Variants in CACNA1S observed in about 807,000 individuals in gnomAD.
CACNA1S encodes the protein voltage-dependent L-type calcium channel subunit alpha-1S.
CACNA1S carries 126 observed loss-of-function variants against 207.4 expected under a neutral mutation model. The observed-to-expected ratio is 0.61, with a 90% confidence interval of 0.53 to 0.70. The LOEUF is 0.70. CACNA1S is among the 30% of genes least tolerant of loss of function. The pLI, the probability that CACNA1S is intolerant of heterozygous loss-of-function variation, is 0.00. For synonymous variants in CACNA1S, 960 were observed against 932.7 expected (o/e 1.03, Z -0.53); for missense variants, 2,349 against 2,422.8 (o/e 0.97, Z 0.64).
chr1:201,104,333 C>T (rs1322722257), intron 2 of CACNA1S, among the ~76,000 whole-genome samples: 18 of 152,208 alleles, frequency 1.2e-4, no homozygotes. Flanking sequence ...GCCAAATGTC[C>T]TCTGGGGCAG....
At chr1:201,078,761 T>C (rs1661728636) in intron 10 of CACNA1S, among the ~76,000 whole-genome samples, 1 of 151,994 alleles carries the variant, frequency 6.6e-6, no homozygotes, top group Non-Finnish European at 1.5e-5. Flanking sequence ...TCCCTGTCCG[T>C]GATTCTTTTT....
At position 201,104,305 on chromosome 1, in the gene CACNA1S, C is replaced by A. The variant is rs542041873; in HGVS notation, c.258+5859G>T. Among the ~76,000 whole-genome samples, 12 of 152,322 alleles carry A rather than the reference C, an allele frequency of 7.9e-5. No homozygotes were observed. In the East Asian group the frequency reaches 1.9e-3, roughly 25 times the overall value. On this transcript the variant is annotated intron_variant, in intron 2 of 43. Transcript: ENST00000362061. ...CACATCTCCGCCCCTGCCCCTCCCC[C>A]TCACAATTCCAGTTGTTGCCAAATG...
chr1:201,092,174 G>C, intron 3 of CACNA1S, 60 bp from the exon 4 acceptor site: 2 of 1,596,522 alleles, frequency 1.3e-6, no homozygotes, highest in Non-Finnish European at 1.7e-6. Flanking sequence ...TGCCCCAGTG[G>C]TCTGAGGCCC....
At chr1:201,096,115 C>G (rs927130157) in intron 2 of CACNA1S, among the ~76,000 whole-genome samples, 7 of 152,226 alleles carry the variant, frequency 4.6e-5, no homozygotes, top group African/African-American at 2.4e-5. Flanking sequence ...CTGCCTGCAC[C>G]TGCCACTGCC....
At chr1:201,089,553 T>C in intron 5 of CACNA1S, 90 bp from the exon 6 acceptor site, 1 of 1,284,094 alleles carries the variant, frequency 7.8e-7, no homozygotes, top group South Asian at 1.3e-5. Flanking sequence ...TTAAGAGAAT[T>C]GAGCAGTAAG....
chr1:201,111,075 G>T (rs1430412932), intron 1 of CACNA1S, among the ~76,000 whole-genome samples: 1 of 145,280 alleles, frequency 6.9e-6, no homozygotes, highest in East Asian at 1.9e-4. Context: ...GCGCAGAGGA[G>T]CAGAGGATGG....
chr1:201,072,966 C>T, intron 15 of CACNA1S, 142 bp from the exon 16 acceptor site: 1 of 777,494 alleles, frequency 1.3e-6, no homozygotes, highest in Non-Finnish European at 2.3e-6. Context: ...TATGATCATC[C>T]CCATTTTACA....
intron 33 of CACNA1S, 95 bp downstream of exon 33, chr1:201,050,889 A>G: frequency 2.3e-6 from 3 of 1,286,992 alleles, no homozygotes; most frequent in Non-Finnish European, 2.3e-6. Context: ...GAATCCCAGG[A>G]GAGGTGGAAA....
intron 24 of CACNA1S, 124 bp downstream of exon 24, chr1:201,061,820 G>A: frequency 9.2e-7 from 1 of 1,081,282 alleles, no homozygotes; most frequent in South Asian, 1.3e-5. Flanking sequence ...TCAGAGAGTT[G>A]GTGGGTTTGT....
rs1264316395 is a variant in CACNA1S at position 201,039,876 on chromosome 1, G to C, written c.5577C>G (p.Asp1859Glu). 32 of 1,611,044 alleles carry C rather than the reference G, an allele frequency of 2.0e-5. No individual in the cohort carries two copies. The highest frequency in any genetic ancestry group is 2.7e-5 in the Non-Finnish European group (32 of 1,180,008). ...GGGTCTCCTGGGAGCCCTGGTGTTG[G>C]TCGAGGCTGCCCAGGGAGGACCCGA... The part of the protein sequence containing the change: ...LNLGSSLGSL[D>E]QHQGSQETLI... Residue 1859 changes from aspartate (D) to glutamate (E), a missense_variant, in exon 44 of 44, where the codon GAC becomes GAG. Asp to Glu is a conservative substitution (Grantham distance 45). Coordinates refer to ENST00000362061, the MANE Select transcript of CACNA1S (RefSeq NM_000069.3).
chr1:201,085,695 T>C lies in CACNA1S; in HGVS notation c.1005-114A>G, dbSNP rs1026992320. ...TCTGTGACTGGAGCGCTCCTTTTTCTGGCCCCGGGGTGTTGCCTGGGGTCC... is the reference window on the plus strand; with the variant it reads ...TCTGTGACTGGAGCGCTCCTTTTTCCGGCCCCGGGGTGTTGCCTGGGGTCC... On this transcript the variant is annotated intron_variant, in intron 7 of 43. Transcript: ENST00000362061. 8 of 1,278,580 alleles carry C rather than the reference T, an allele frequency of 6.3e-6. No homozygotes were observed. In the African/African-American group the frequency reaches 1.2e-4, roughly 19 times the overall value. The allele number at this position is 1,278,580 out of a possible 1,614,324, so 79.2% of individuals were successfully genotyped here.
intron 7 of CACNA1S, 102 bp from the exon 8 acceptor site, chr1:201,085,683 C>G (rs551775568): frequency 7.1e-7 from 1 of 1,412,854 alleles, no homozygotes; most frequent in African/African-American, 1.4e-5. Context: ...GTGACTGGAG[C>G]GCTCCTTTTT....
At chr1:201,092,367 G>GTGCTGAACGGGGGTGAGGTATGTGTGCCA (rs1662267610) in intron 3 of CACNA1S, among the ~76,000 whole-genome samples, 4 of 152,184 alleles carry the variant, frequency 2.6e-5, no homozygotes, top group African/African-American at 4.8e-5. Flanking sequence ...TCTACTTTGG[G>GTGCTGAACGGGGGTGAGGTATGTGTGCCA]TGCTGAACGG....
intron 14 of CACNA1S, among the ~76,000 whole-genome samples, chr1:201,074,181 G>A (rs199841290): frequency 1.3e-5 from 2 of 152,352 alleles, no homozygotes; most frequent in East Asian, 1.9e-4. Context: ...CCCGCCCAGA[G>A]GCATAGCGAC....
At position 201,061,953 on chromosome 1, in the gene CACNA1S, C is replaced by A. The variant is rs747306184; in HGVS notation, c.3044G>T (p.Gly1015Val). The A allele has an allele frequency of 6.2e-7, 1 of 1,614,186 alleles. No homozygotes were observed. The highest frequency in any genetic ancestry group is 2.2e-5 in the East Asian group (1 of 44,890). Residue 1015 changes from glycine to valine, a missense_variant, in exon 24 of 44, where the codon GGA becomes GTA. By Grantham distance (109) the Gly-to-Val change is moderately radical. Transcript: ENST00000362061. Reference sequence around the variant, plus strand: ...CCCAGCCATCACTCACTGAGGCCATCCCTCGAAGGTGGAGACCGTGAAGAG... The same window carrying A: ...CCCAGCCATCACTCACTGAGGCCATACCTCGAAGGTGGAGACCGTGAAGAG... ...MSLFTVSTFE[G>V]WPQLLYKAID...
intron 14 of CACNA1S, among the ~76,000 whole-genome samples, chr1:201,074,192 T>A (rs1204825195): frequency 1.3e-5 from 2 of 152,170 alleles, no homozygotes; most frequent in East Asian, 3.8e-4. Context: ...GCATAGCGAC[T>A]CAGTGACAGG....
chr1:201,108,863 C>A (rs111428237), intron 2 of CACNA1S, among the ~76,000 whole-genome samples: 1 of 152,232 alleles, frequency 6.6e-6, no homozygotes, highest in African/African-American at 2.4e-5. Context: ...TTGTTCTGTC[C>A]CCTAGGGAGC....
At chr1:201,046,874 C>G (rs1014748202) in intron 38 of CACNA1S, among the ~76,000 whole-genome samples, 3 of 152,216 alleles carry the variant, frequency 2.0e-5, no homozygotes, top group Non-Finnish European at 4.4e-5. Context: ...CTCCCTTGAA[C>G]AAATCCTATT....
rs1662277172 is a variant in CACNA1S at position 201,092,563 on chromosome 1, G to A, written c.399-449C>T. ...ATGCCCTTTATTTTCTTTCCTACTGGCCTCCTCTTCCTCTCTTAATTTACT... is the reference window on the plus strand; with the variant it reads ...ATGCCCTTTATTTTCTTTCCTACTGACCTCCTCTTCCTCTCTTAATTTACT... On this transcript the variant is annotated intron_variant, in intron 3 of 43. Coordinates refer to ENST00000362061, the MANE Select transcript of CACNA1S (RefSeq NM_000069.3). 2.0e-5 allele frequency among the ~76,000 whole-genome samples: 3 copies of A among 152,030 alleles called. No individual in the cohort carries two copies. In the South Asian group the frequency reaches 6.2e-4, roughly 32 times the overall value.
Sources: gnomAD v4.1 joint callset for allele counts (sites outside exome capture counted in the v4.1 genomes callset) on GRCh38, gnomAD v4.1.1 for gene constraint, MANE v1.5 for transcripts, NCBI Gene and HGNC (gene_info 2026-07-23, HGNC 2026-07-21) for gene names.